DUSP5: variants seen among roughly 807,000 people sequenced by gnomAD.
The protein encoded by DUSP5 is dual specificity phosphatase 5, also known as dual specificity protein phosphatase 5.
In DUSP5, 22 loss-of-function variants were observed where a neutral mutation model predicts 33.6. That is an observed-to-expected ratio of 0.66 (90% CI 0.47 to 0.94). The LOEUF is 0.94. Ranked by LOEUF, DUSP5 falls within the 40% of genes least tolerant of loss-of-function variation. The pLI is 0.00. For missense variants in DUSP5, 551 were observed against 522.1 expected (o/e 1.06, Z -0.54); for synonymous variants, 270 against 231.1 (o/e 1.17, Z -1.53).
chr10:110,507,891 G>T (rs1437797643), intron 3 of DUSP5, among the ~76,000 whole-genome samples: 4 of 152,140 alleles, frequency 2.6e-5, no homozygotes, highest in Non-Finnish European at 5.9e-5. Flanking sequence ...ATCTTCCTAG[G>T]AGGCTGGCCT....
At position 110,510,609 on chromosome 10, in the gene DUSP5, G is replaced by T; in HGVS notation, c.*183G>T. Reference sequence around the variant, plus strand: ...GACGGACCTCAGGGTAGGTTCTCGGGACTGAAGGAAGGCCAAGCCATTACG... The same window carrying T: ...GACGGACCTCAGGGTAGGTTCTCGGTACTGAAGGAAGGCCAAGCCATTACG... On this transcript the variant is annotated 3_prime_UTR_variant, in exon 4 of 4. Coordinates refer to ENST00000369583, the MANE Select transcript of DUSP5 (RefSeq NM_004419.4). 1 of 856,198 alleles carries T rather than the reference G, an allele frequency of 1.2e-6. No individual in the cohort carries two copies. Among genetic ancestry groups the T allele is most frequent in the Non-Finnish European group, 1.7e-6 (1 of 579,188 alleles). 53.0% of individuals were successfully genotyped at this position (856,198 alleles called of 1,614,324 possible). A position where few individuals can be genotyped will look rare whatever the true frequency, so the allele number is the denominator to read the frequency against.
At chr10:110,501,529 T>C (rs1860048773) in intron 1 of DUSP5, among the ~76,000 whole-genome samples, 1 of 152,150 alleles carries the variant, frequency 6.6e-6, no homozygotes, top group African/African-American at 2.4e-5. Context: ...ATTTGTCTAC[T>C]GCAGGGCTTT....
At chr10:110,502,338 G>A (rs779160384) in intron 1 of DUSP5, among the ~76,000 whole-genome samples, 43 of 152,262 alleles carry the variant, frequency 2.8e-4, no homozygotes, top group Non-Finnish European at 4.9e-4. Flanking sequence ...CTGTCTTCTC[G>A]CCAATTAATG....
chr10:110,503,002 C>A, intron 2 of DUSP5, 133 bp downstream of exon 2: 4 of 1,221,370 alleles, frequency 3.3e-6, no homozygotes, highest in Middle Eastern at 2.6e-4. Context: ...AGGGTGTTGG[C>A]AAAATCCCCT....
At chr10:110,500,573 A>G (rs1212431653) in intron 1 of DUSP5, among the ~76,000 whole-genome samples, 1 of 152,228 alleles carries the variant, frequency 6.6e-6, no homozygotes, top group Non-Finnish European at 1.5e-5. Context: ...GACACTTTCC[A>G]TAATCCCCTG....
At chr10:110,506,649 G>A (rs1449672296) in intron 2 of DUSP5, among the ~76,000 whole-genome samples, 3 of 152,168 alleles carry the variant, frequency 2.0e-5, no homozygotes, top group Non-Finnish European at 4.4e-5. Context: ...GTCAGCGCAG[G>A]AAGGCTGTCG....
At chr10:110,505,483 C>T (rs1425456044) in intron 2 of DUSP5, among the ~76,000 whole-genome samples, 3 of 152,312 alleles carry the variant, frequency 2.0e-5, no homozygotes. Context: ...CTGAACTGGC[C>T]TTTGCTTAAA....
In DUSP5 at chr10:110,498,336, G is replaced by T; in HGVS notation, c.215G>T (p.Arg72Leu). 3 of 1,339,826 alleles carry T rather than the reference G, an allele frequency of 2.2e-6. No individual in the cohort carries two copies. Among genetic ancestry groups the T allele is most frequent in the Non-Finnish European group, 2.9e-6 (3 of 1,049,496 alleles). The allele number at this position is 1,339,826 out of a possible 1,614,324, so 83.0% of individuals were successfully genotyped here. ...TACGTGCTGCCCGACGAGGCGGCGC[G>T]CGCGCGGCTCCTGCAGGAGGGCGGC... ...ARYVLPDEAA[R>L]ARLLQEGGGG... The change falls in exon 1 of 4, where the codon CGC (arginine) becomes CTC (leucine). Residue 72 changes from arginine to leucine, a missense_variant. Arg to Leu is a moderately radical substitution (Grantham distance 102, BLOSUM62 -2). Around this residue, in one of 3 missense-constraint regions of DUSP5, gnomAD observed 381 missense variants for 310.4 expected, o/e 1.23. Transcript: ENST00000369583.
chr10:110,507,835 G>A (rs1308945159), intron 3 of DUSP5, among the ~76,000 whole-genome samples: 1 of 152,172 alleles, frequency 6.6e-6, no homozygotes, highest in Non-Finnish European at 1.5e-5. Flanking sequence ...GGTCCTCTGT[G>A]TTGCCTGGAT....
At chr10:110,508,306 C>T (rs1390445356) in intron 3 of DUSP5, among the ~76,000 whole-genome samples, 1 of 152,116 alleles carries the variant, frequency 6.6e-6, no homozygotes, top group Non-Finnish European at 1.5e-5. Context: ...CTTGTTCTCC[C>T]TGTCCCTGGG....
At chr10:110,502,441 T>C (rs1386131613) in intron 1 of DUSP5, among the ~76,000 whole-genome samples, 3 of 152,260 alleles carry the variant, frequency 2.0e-5, no homozygotes, top group Admixed American at 1.3e-4. Flanking sequence ...TGCCAGATGC[T>C]AGACACTTTC....
rs771381831 is a variant in DUSP5 at position 110,510,442 on chromosome 10, A to G, written c.*16A>G. On this transcript the variant is annotated 3_prime_UTR_variant, in exon 4 of 4. Transcript: ENST00000369583. ...ATCCTGCTAAAACTGGGATGGAGGA[A>G]TCGGCCCAGCCCCAAGAGCAACTGT... The G allele has an allele frequency of 1.3e-6, 2 of 1,554,374 alleles. No homozygotes were observed. Among genetic ancestry groups the G allele is most frequent in the Non-Finnish European group, 1.7e-6 (2 of 1,146,894 alleles).
At position 110,502,856 on chromosome 10, in the gene DUSP5, C is replaced by G; in HGVS notation, c.515C>G (p.Pro172Arg). Residue 172 changes from proline to arginine, a missense_variant, in exon 2 of 4, where the codon CCA (proline) becomes CGA (arginine). Around this residue, in one of 3 missense-constraint regions of DUSP5, gnomAD observed 381 missense variants for 310.4 expected, o/e 1.23. Coordinates refer to ENST00000369583, the MANE Select transcript of DUSP5 (RefSeq NM_004419.4). ...CCAGTGGTAAATGTCAGCTACAGGC[C>G]AGCTTATGACCAGGTACGTGATGTG... is the stretch of plus-strand genomic sequence containing the variant. ...GKPVVNVSYRPAYDQGGPVEI... is the reference protein window; with the variant it reads ...GKPVVNVSYRRAYDQGGPVEI... 1.9e-6 allele frequency: 3 copies of G among 1,614,128 alleles called. No homozygotes were observed. The Admixed American group carries it at 5.0e-5, about 27-fold the overall frequency.
At position 110,510,528 on chromosome 10, in the gene DUSP5, T is replaced by A. The variant is rs1412850387; in HGVS notation, c.*102T>A. 7.3e-7 allele frequency: 1 copy of A among 1,370,556 alleles called. No individual in the cohort carries two copies. The highest frequency in any genetic ancestry group is 2.5e-5 in the East Asian group (1 of 39,520). 84.9% of individuals were successfully genotyped at this position (1,370,556 alleles called of 1,614,324 possible). On this transcript the variant is annotated 3_prime_UTR_variant, in exon 4 of 4. Coordinates refer to ENST00000369583, the MANE Select transcript of DUSP5 (RefSeq NM_004419.4). Reference sequence around the variant, plus strand: ...CTGTGCAATACTGAAGACCTCATTCTGTCATGCTGCCCCAGTGAGATAGTG... The same window carrying A: ...CTGTGCAATACTGAAGACCTCATTCAGTCATGCTGCCCCAGTGAGATAGTG...
At position 110,510,049 on chromosome 10, in the gene DUSP5, C is replaced by T; in HGVS notation, c.778C>T (p.Leu260=). The T allele has an allele frequency of 6.2e-7, 1 of 1,610,008 alleles. No individual in the cohort carries two copies. Among genetic ancestry groups the T allele is most frequent in the Non-Finnish European group, 8.5e-7 (1 of 1,177,004 alleles). Reference sequence around the variant, plus strand: ...TGTCAGGGAAAAGGGAGGCAAGGTCCTGGTCCACTGTGAGGCTGGGATCTC... The same window carrying T: ...TGTCAGGGAAAAGGGAGGCAAGGTCTTGGTCCACTGTGAGGCTGGGATCTC... ...DCVREKGGKV[L]VHCEAGISRS... The change falls in exon 4 of 4, where the codon CTG becomes TTG. Residue 260 remains leucine (L), a synonymous_variant. Coordinates refer to ENST00000369583, the MANE Select transcript of DUSP5 (RefSeq NM_004419.4).
At chr10:110,500,153 T>C (rs1438651663) in intron 1 of DUSP5, among the ~76,000 whole-genome samples, 1 of 152,218 alleles carries the variant, frequency 6.6e-6, no homozygotes, top group Non-Finnish European at 1.5e-5. Context: ...TTCATAAGTA[T>C]CTTAGAAATA....
At chr10:110,502,970 A>G (rs1860074863) in intron 2 of DUSP5, 101 bp downstream of exon 2, 7 of 1,491,270 alleles carry the variant, frequency 4.7e-6, no homozygotes, top group Non-Finnish European at 6.4e-6. Flanking sequence ...CTCAGCAATG[A>G]TGGTTAGTTC....
rs1019434054 is a variant in DUSP5, at chr10:110,498,060, C to T, written c.-62C>T. On this transcript the variant is annotated 5_prime_UTR_variant, in exon 1 of 4. Transcript: ENST00000369583. The stretch of plus-strand genomic sequence containing the variant: ...CCCGCGGACACCCTGGCCGTGGACA[C>T]CCTGGCCGTGGGCACCCGCGGGGCG... 15 of 1,116,874 alleles carry T rather than the reference C, an allele frequency of 1.3e-5. No homozygotes were observed. The Admixed American group carries it at 3.1e-4, about 23-fold the overall frequency. 69.2% of individuals were successfully genotyped at this position (1,116,874 alleles called of 1,614,324 possible).
intron 1 of DUSP5, among the ~76,000 whole-genome samples, chr10:110,502,203 G>A (rs1860060288): frequency 1.3e-5 from 2 of 152,148 alleles, no homozygotes; most frequent in African/African-American, 4.8e-5. Flanking sequence ...AAGCAGTGAG[G>A]CTGTTTTACT....
Sources: allele counts gnomAD v4.1 joint callset (sites outside exome capture counted in the v4.1 genomes callset), GRCh38; gene constraint gnomAD v4.1.1; regional missense constraint gnomAD v4.1.1; transcripts MANE v1.5; gene names NCBI Gene and HGNC (gene_info 2026-07-23, HGNC 2026-07-21).